GNB1: variants seen among roughly 807,000 people sequenced by gnomAD.
The protein encoded by GNB1 is guanine nucleotide-binding protein G(I)/G(S)/G(T) subunit beta-1.
Under a neutral mutation model 42.9 loss-of-function variants are expected in GNB1, and 2 were observed. The ratio of observed to expected loss-of-function variants is 0.05; its 90% CI spans 0.02 to 0.15. GNB1 has a LOEUF of 0.15. GNB1 is among the 10% of genes least tolerant of loss of function. GNB1 has a pLI of 1.00. For missense variants in GNB1, 193 were observed against 462.2 expected (o/e 0.42, Z 5.34); for synonymous variants, 183 against 174.7 (o/e 1.05, Z -0.38).
At chr1:1,849,860 T>C (rs1347275368) in intron 1 of GNB1, among the ~76,000 whole-genome samples, 3 of 152,202 alleles carry the variant, frequency 2.0e-5, no homozygotes, top group African/African-American at 7.2e-5. Context: ...CTTTTACTAA[T>C]GAAAAAATTC....
chr1:1,871,509 G>A (rs1378172955), intron 1 of GNB1, among the ~76,000 whole-genome samples: 5 of 151,988 alleles, frequency 3.3e-5, no homozygotes, highest in Non-Finnish European at 7.4e-5. Flanking sequence ...ACCCTACACT[G>A]TCACATCCCA....
intron 1 of GNB1, among the ~76,000 whole-genome samples, chr1:1,888,498 C>T (rs762741373): frequency 2.4e-4 from 37 of 152,168 alleles, no homozygotes; most frequent in Non-Finnish European, 4.0e-4. Flanking sequence ...AGCCTCTGGA[C>T]CCTGCAGTTG....
rs1646473608 is a variant in GNB1, at chr1:1,790,934, TGGAA to T, written c.498-342_498-339del. Among the ~76,000 whole-genome samples the T allele has an allele frequency of 6.6e-6, 1 of 152,030 alleles. No individual in the cohort carries two copies. The highest frequency in any genetic ancestry group is 1.5e-5 in the Non-Finnish European group (1 of 68,006). ...CCCCCTCTTTGGTCATGGATGGGCATGGAAGGGGTGGCAGGAAGCTACGTGGAGG... is the reference window on the plus strand; with the variant it reads ...CCCCCTCTTTGGTCATGGATGGGCATGGGGTGGCAGGAAGCTACGTGGAGG... On this transcript the variant is annotated intron_variant, in intron 8 of 11. Transcript: ENST00000378609. This position sits in a 1 kb window ranked among gnomAD's most constrained non-coding sequence, Gnocchi z 5.4.
At chr1:1,835,263 G>A (rs1355757323) in intron 2 of GNB1, among the ~76,000 whole-genome samples, 2 of 152,194 alleles carry the variant, frequency 1.3e-5, no homozygotes, top group Non-Finnish European at 2.9e-5. Flanking sequence ...TGGCAGGAAA[G>A]TTGGAAGCCC....
At chr1:1,882,661 G>C (rs1027123065) in intron 1 of GNB1, among the ~76,000 whole-genome samples, 1 of 152,092 alleles carries the variant, frequency 6.6e-6, no homozygotes, top group Non-Finnish European at 1.5e-5. Flanking sequence ...GGTGGCTCAC[G>C]CCTGTAATCC....
intron 4 of GNB1, 25 bp from the exon 5 acceptor site, chr1:1,815,887 A>C: frequency 7.4e-7 from 1 of 1,354,280 alleles, no homozygotes; most frequent in Non-Finnish European, 1.1e-6. Flanking sequence ...CATTTCTGTA[A>C]ATCAACATCT....
rs1372230477 is a variant in GNB1, at chr1:1,890,575, G to A, written c.-96+245C>T. On this transcript the variant is annotated intron_variant, in intron 1 of 11. Transcript: ENST00000378609. The stretch of plus-strand genomic sequence containing the variant: ...ACCCCGCACCCCGGTGCCGAAACTC[G>A]GCCCCCAGCCTTGGGCCTGGGACCC... 4.7e-5 allele frequency among the ~76,000 whole-genome samples: 7 copies of A among 148,476 alleles called. No homozygotes were observed. The East Asian group carries it at 1.4e-3, about 29-fold the overall frequency.
intron 1 of GNB1, among the ~76,000 whole-genome samples, chr1:1,861,656 G>A (rs1186022912): frequency 1.3e-5 from 2 of 151,944 alleles, no homozygotes; most frequent in Non-Finnish European, 2.9e-5. Flanking sequence ...GAAGACACAG[G>A]TCAGAGCTGG....
chr1:1,846,596 C>G (rs1173333962), intron 1 of GNB1, among the ~76,000 whole-genome samples: 1 of 152,070 alleles, frequency 6.6e-6, no homozygotes, highest in Non-Finnish European at 1.5e-5. Flanking sequence ...ATCAGAGTCT[C>G]ACTGTCACCC....
intron 1 of GNB1, among the ~76,000 whole-genome samples, chr1:1,844,585 A>C (rs1417754802): frequency 6.6e-6 from 1 of 152,208 alleles, no homozygotes; most frequent in Non-Finnish European, 1.5e-5. Flanking sequence ...GAATTTCTCT[A>C]CAAGCTGCAT....
At chr1:1,822,300 CTT>C (rs33922220) in intron 3 of GNB1, among the ~76,000 whole-genome samples, 120 of 97,724 alleles carry the variant, frequency 1.2e-3, no homozygotes, top group Non-Finnish European at 1.5e-3. Context: ...TCTCTTTTTA[CTT>C]TTTTTTTTTT....
chr1:1,813,375 T>C (rs1646808960), intron 5 of GNB1, among the ~76,000 whole-genome samples: 1 of 152,226 alleles, frequency 6.6e-6, no homozygotes. Flanking sequence ...CCTCCCAAAG[T>C]GCTGGGATTA....
chr1:1,802,464 A>G (rs1343464236), intron 7 of GNB1, among the ~76,000 whole-genome samples: 3 of 152,198 alleles, frequency 2.0e-5, no homozygotes, highest in African/African-American at 7.2e-5. Context: ...TTTCACATTG[A>G]ATGATAATTA....
At chr1:1,878,070 C>T (rs11260624) in intron 1 of GNB1, among the ~76,000 whole-genome samples, 35,674 of 152,100 alleles carry the variant, frequency 0.23, 4,404 homozygotes, top group Non-Finnish European at 0.26. Context: ...ACTGTCACCA[C>T]GGCCAACTGT....
chr1:1,840,346 G>C (rs946908740), intron 1 of GNB1, among the ~76,000 whole-genome samples: 1 of 151,928 alleles, frequency 6.6e-6, no homozygotes, highest in African/African-American at 2.4e-5. Flanking sequence ...GGCCAATATG[G>C]TGAAACCTCA....
At chr1:1,829,459 A>G (rs981523154) in intron 2 of GNB1, among the ~76,000 whole-genome samples, 3 of 152,242 alleles carry the variant, frequency 2.0e-5, no homozygotes, top group Non-Finnish European at 2.9e-5. Context: ...CACCCTGTAC[A>G]GGAGTTCAGG....
intron 1 of GNB1, among the ~76,000 whole-genome samples, chr1:1,861,151 G>A (rs144695694): frequency 6.9e-5 from 10 of 145,058 alleles, no homozygotes; most frequent in African/African-American, 2.3e-4. Flanking sequence ...CCCAATCTTT[G>A]TGTCTCAGAA....
At position 1,804,533 on chromosome 1, in the gene GNB1, C is replaced by A. The variant is rs1646670581; in HGVS notation, c.316G>T (p.Ala106Ser). The A allele has an allele frequency of 1.2e-6, 2 of 1,613,348 alleles. No individual in the cohort carries two copies. Among genetic ancestry groups the A allele is most frequent in the Non-Finnish European group, 1.7e-6 (2 of 1,179,490 alleles). ...RSSWVMTCAY[A>S]PSGNYVACGG... ...CAGGCCACATAGTTCCCAGAAGGGGCATATGCACAGGTCATGACCCAGGAG... is the reference window on the plus strand; with the variant it reads ...CAGGCCACATAGTTCCCAGAAGGGGAATATGCACAGGTCATGACCCAGGAG... The change falls in exon 7 of 12, where the codon GCC becomes TCC. Residue 106 changes from alanine to serine, a missense_variant. Around this residue, in one of 2 missense-constraint regions of GNB1, gnomAD observed 150 missense variants for 410.8 expected, o/e 0.37. Coordinates refer to ENST00000378609, the MANE Select transcript of GNB1 (RefSeq NM_002074.5).
intron 2 of GNB1, among the ~76,000 whole-genome samples, chr1:1,829,907 T>A (rs534803890): frequency 6.6e-6 from 1 of 151,936 alleles, no homozygotes; most frequent in Admixed American, 6.6e-5. Context: ...ACCGGCTAAT[T>A]TTTTGTATTT....
Sources: gnomAD v4.1 joint callset for allele counts (sites outside exome capture counted in the v4.1 genomes callset) on GRCh38, gnomAD v4.1.1 for gene constraint, gnomAD v4.1.1 regional missense constraint, Gnocchi (gnomAD v3.1) non-coding constraint, MANE v1.5 for transcripts, NCBI Gene and HGNC (gene_info 2026-07-23, HGNC 2026-07-21) for gene names.